Variants in GRIK3 observed in about 807,000 individuals in gnomAD.
GRIK3 encodes the protein glutamate ionotropic receptor kainate type subunit 3, also known as glutamate receptor ionotropic, kainate 3.
In GRIK3, 29 loss-of-function variants were observed where a neutral mutation model predicts 102.5. The observed-to-expected ratio is 0.28, with a 90% CI of 0.21 to 0.39. The LOEUF (loss-of-function observed/expected upper bound fraction) is 0.39, where lower values mean the gene tolerates loss of function less well. Ranked by LOEUF, GRIK3 falls within the 10% of genes least tolerant of loss-of-function variation. The pLI, the probability that GRIK3 is intolerant of heterozygous loss-of-function variation, is 1.00. For synonymous variants in GRIK3, 511 were observed against 504.9 expected, an observed-to-expected ratio of 1.01 and a Z score of -0.16; for missense variants, 908 against 1,252.4, an observed-to-expected ratio of 0.73 and a Z score of 4.15.
chr1:37,000,318 T>C (rs749056020), intron 1 of GRIK3, among the ~76,000 whole-genome samples: 16 of 152,370 alleles, frequency 1.1e-4, no homozygotes, highest in Non-Finnish European at 2.1e-4. Flanking sequence ...TGGCTACTTT[T>C]ATTGAGCATT....
rs939041818 is a variant in GRIK3, at chr1:36,872,669, C to T, written c.551-300G>A. On this transcript the variant is annotated intron_variant, in intron 3 of 15. Coordinates refer to ENST00000373091, the MANE Select transcript of GRIK3 (RefSeq NM_000831.4). This position sits in a 1 kb window ranked among gnomAD's most constrained non-coding sequence, Gnocchi z 5.9. ...GGCCTGTGCACACAGTGGTGCAGTA[C>T]ACACATATGTAGATTCAAAAGTAGG... Among the ~76,000 whole-genome samples, 2 of 152,232 alleles carry T rather than the reference C, an allele frequency of 1.3e-5. No individual in the cohort carries two copies. Among genetic ancestry groups the T allele is most frequent in the African/African-American group, 2.4e-5 (1 of 41,460 alleles).
chr1:36,988,500 C>T (rs764295640), intron 1 of GRIK3, among the ~76,000 whole-genome samples: 21 of 152,294 alleles, frequency 1.4e-4, no homozygotes, highest in Non-Finnish European at 2.5e-4. Context: ...CAACCGTGGC[C>T]GCCGGCCAGA....
rs781032708 is a variant in GRIK3, at chr1:36,817,140, C to A, written c.2011G>T (p.Asp671Tyr). 6.2e-7 allele frequency: 1 copy of A among 1,614,152 alleles called. No homozygotes were observed. The highest frequency in any genetic ancestry group is 1.7e-5 in the Admixed American group (1 of 60,022). Residue 671 changes from aspartate to tyrosine, a missense_variant, in exon 13 of 16, where the codon GAC (aspartate) becomes TAC (tyrosine). Around this residue, in one of 3 missense-constraint regions of GRIK3, gnomAD observed 297 missense variants for 362.7 expected, o/e 0.82. Transcript: ENST00000373091. ...TGCTTGGCCAGGTCATCAGCAGAGT[C>A]AATGGGTGATTCCATGCGCTCCACG... Reference protein sequence around the residue: ...LTVERMESPIDSADDLAKQTK... With the variant: ...LTVERMESPIYSADDLAKQTK...
chr1:37,009,847 C>T (rs534780614), intron 1 of GRIK3, among the ~76,000 whole-genome samples: 8 of 151,996 alleles, frequency 5.3e-5, no homozygotes, highest in South Asian at 2.1e-4. Flanking sequence ...TGGCTGACAG[C>T]GACAGTCCTG....
At chr1:36,968,220 C>CGTGTGTGTGTGTGTGTGT (rs66480824) in intron 1 of GRIK3, among the ~76,000 whole-genome samples, 1 of 141,064 alleles carries the variant, frequency 7.1e-6, no homozygotes, top group South Asian at 2.5e-4. Context: ...TCTCTCTCTC[C>CGTGTGTGTGTGTGTGTGT]GTGTGTGTGT....
chr1:36,865,167 T>C (rs942707518), intron 5 of GRIK3, among the ~76,000 whole-genome samples: 2 of 152,178 alleles, frequency 1.3e-5, no homozygotes, highest in Admixed American at 6.5e-5. Flanking sequence ...TATCTATTAA[T>C]TTATTATAAT....
chr1:36,884,076 T>A (rs1557713283), intron 2 of GRIK3, among the ~76,000 whole-genome samples: 1 of 152,182 alleles, frequency 6.6e-6, no homozygotes, highest in East Asian at 1.9e-4. Flanking sequence ...ACAGAGGGTA[T>A]CTCCTGGGCA....
chr1:36,925,965 T>A (rs1444859465), intron 1 of GRIK3, among the ~76,000 whole-genome samples: 3 of 152,224 alleles, frequency 2.0e-5, no homozygotes, highest in African/African-American at 7.2e-5. Flanking sequence ...TTCTACTCAC[T>A]GATTTCCAAG....
chr1:36,949,600 G>A (rs1209511917), intron 1 of GRIK3, among the ~76,000 whole-genome samples: 2 of 48,780 alleles, frequency 4.1e-5, no homozygotes, highest in Non-Finnish European at 7.7e-5. Context: ...TTTTTTTTGA[G>A]TCTCGCTCTG....
chr1:36,837,091 C>T (rs1036002568), intron 10 of GRIK3, among the ~76,000 whole-genome samples: 1 of 152,046 alleles, frequency 6.6e-6, no homozygotes, highest in African/African-American at 2.4e-5. Flanking sequence ...GTGGCTTCCA[C>T]CCTTTCATCT....
In GRIK3 at chr1:36,817,126, G is replaced by T. The variant is rs1421821158; in HGVS notation, c.2025C>A (p.Asp675Glu). Residue 675 changes from aspartate to glutamate, a missense_variant, in exon 13 of 16, where the codon GAC becomes GAA. Physicochemically the swap from Asp to Glu is conservative, Grantham distance 45. Around this residue, in one of 3 missense-constraint regions of GRIK3, gnomAD observed 297 missense variants for 362.7 expected, o/e 0.82. Coordinates refer to ENST00000373091, the MANE Select transcript of GRIK3 (RefSeq NM_000831.4). ...ACTCGATTTTGGTTTGCTTGGCCAG[G>T]TCATCAGCAGAGTCAATGGGTGATT... ...RMESPIDSADDLAKQTKIEYG... is the reference protein window; with the variant it reads ...RMESPIDSADELAKQTKIEYG... 6.2e-7 allele frequency: 1 copy of T among 1,614,036 alleles called. No homozygotes were observed. Among genetic ancestry groups the T allele is most frequent in the African/African-American group, 1.3e-5 (1 of 74,922 alleles).
At chr1:36,926,846 A>G (rs912853841) in intron 1 of GRIK3, among the ~76,000 whole-genome samples, 8 of 152,116 alleles carry the variant, frequency 5.3e-5, no homozygotes, top group African/African-American at 1.9e-4. Flanking sequence ...TATTAGCTCA[A>G]CCTCTGATCA....
intron 1 of GRIK3, among the ~76,000 whole-genome samples, chr1:36,899,288 GA>G (rs1641207213): frequency 6.6e-6 from 1 of 152,056 alleles, no homozygotes; most frequent in Non-Finnish European, 1.5e-5. Flanking sequence ...ACCTGATAAG[GA>G]ATTAATATCC....
chr1:36,924,524 A>G (rs921604536), intron 1 of GRIK3, among the ~76,000 whole-genome samples: 5 of 152,158 alleles, frequency 3.3e-5, no homozygotes, highest in Non-Finnish European at 5.9e-5. Context: ...CTGAGCCCCT[A>G]TCACACACAC....
chr1:36,851,045 G>A (rs1300311425), intron 8 of GRIK3, among the ~76,000 whole-genome samples: 1 of 152,190 alleles, frequency 6.6e-6, no homozygotes, highest in Non-Finnish European at 1.5e-5. Flanking sequence ...AAAGCCCTGG[G>A]CCTCTTGAAG....
chr1:36,994,320 G>A (rs981301328), intron 1 of GRIK3, among the ~76,000 whole-genome samples: 4 of 152,240 alleles, frequency 2.6e-5, no homozygotes, highest in Non-Finnish European at 5.9e-5. Flanking sequence ...CACGCTACCT[G>A]TTAGGTAATA....
intron 1 of GRIK3, among the ~76,000 whole-genome samples, chr1:36,968,221 G>C (rs1012120781): frequency 4.8e-4 from 2 of 4,128 alleles, no homozygotes; most frequent in African/African-American, 5.2e-3. Context: ...CTCTCTCTCC[G>C]TGTGTGTGTG....
chr1:36,923,575 C>G (rs528261023), intron 1 of GRIK3, among the ~76,000 whole-genome samples: 1 of 152,210 alleles, frequency 6.6e-6, no homozygotes, highest in African/African-American at 2.4e-5. Flanking sequence ...GGCCCTAGCT[C>G]TATCCTTGCA....
At chr1:36,845,471 C>T (rs948036485) in intron 9 of GRIK3, among the ~76,000 whole-genome samples, 1 of 152,182 alleles carries the variant, frequency 6.6e-6, no homozygotes, top group Non-Finnish European at 1.5e-5. Flanking sequence ...CCAGGCCTAG[C>T]GCTAAGCCTC....
Sources: allele counts gnomAD v4.1 joint callset (sites outside exome capture counted in the v4.1 genomes callset), GRCh38; gene constraint gnomAD v4.1.1; regional missense constraint gnomAD v4.1.1; non-coding constraint Gnocchi (gnomAD v3.1); transcripts MANE v1.5; gene names NCBI Gene and HGNC (gene_info 2026-07-23, HGNC 2026-07-21).